Variants in ENPP3 observed in about 807,000 individuals in gnomAD.
ENPP3 encodes ectonucleotide pyrophosphatase/phosphodiesterase family member 3.
In ENPP3, 104 loss-of-function variants were observed where a neutral mutation model predicts 117.8. The ratio of observed to expected loss-of-function variants is 0.88; its 90% CI spans 0.75 to 1.04. The LOEUF is 1.04. Among genes scored for constraint, ENPP3 ranks in the 50% least tolerant of loss-of-function variants. ENPP3 has a pLI of 0.00. For synonymous variants in ENPP3, 380 were observed against 349.9 expected (o/e 1.09, Z -0.96); for missense variants, 1,026 against 1,051.9 (o/e 0.98, Z 0.34).
chr6:131,657,840 CT>C lies in ENPP3; in HGVS notation c.465-481del, dbSNP rs1778417284. The stretch of plus-strand genomic sequence containing the variant: ...GTTAGTGAAAATTTATCAAACTATG[CT>C]TCTGTGAAATGTGTGTGTGTATAAC... On this transcript the variant is annotated intron_variant, in intron 5 of 24. Coordinates refer to ENST00000357639, the MANE Select transcript of ENPP3 (RefSeq NM_005021.5). 2.6e-5 allele frequency among the ~76,000 whole-genome samples: 4 copies of C among 152,186 alleles called. No individual in the cohort carries two copies. The South Asian group carries it at 6.2e-4, about 24-fold the overall frequency.
At chr6:131,728,884 T>C (rs1026315313) in intron 20 of ENPP3, among the ~76,000 whole-genome samples, 1 of 152,222 alleles carries the variant, frequency 6.6e-6, no homozygotes, top group Non-Finnish European at 1.5e-5. Context: ...CTTCTGGGCC[T>C]GTTCAGAAGG....
intron 24 of ENPP3, 73 bp from the exon 25 acceptor site, chr6:131,746,713 A>G: frequency 1.5e-6 from 2 of 1,356,714 alleles, no homozygotes; most frequent in Non-Finnish European, 2.0e-6. Context: ...ACAACTTCTA[A>G]GCAATAAAAA....
intron 3 of ENPP3, among the ~76,000 whole-genome samples, chr6:131,651,123 T>C (rs1206390779): frequency 6.6e-6 from 1 of 152,142 alleles, no homozygotes; most frequent in African/African-American, 2.4e-5. Flanking sequence ...TTTCACCATG[T>C]TGGCCAGGCT....
In ENPP3 at chr6:131,667,588, A is replaced by AT. The variant is rs1291754692; in HGVS notation, c.563-3654dup. Among the ~76,000 whole-genome samples, 4 of 152,116 alleles carry AT rather than the reference A, an allele frequency of 2.6e-5. No individual in the cohort carries two copies. In the East Asian group the frequency reaches 7.7e-4, roughly 29 times the overall value. On this transcript the variant is annotated intron_variant, in intron 6 of 24. Transcript: ENST00000357639. The stretch of plus-strand genomic sequence containing the variant: ...ATTGGAGTGTTAGATGTGTGGTCCA[A>AT]TTTTTTCCCCCTTGGGGAGAAACTA...
intron 24 of ENPP3, among the ~76,000 whole-genome samples, chr6:131,745,431 A>T (rs1307698262): frequency 6.6e-6 from 1 of 152,228 alleles, no homozygotes; most frequent in African/African-American, 2.4e-5. Flanking sequence ...TCAAATGAGA[A>T]TCATGAAAAC....
chr6:131,679,692 G>A (rs1419399603), intron 11 of ENPP3, among the ~76,000 whole-genome samples: 1 of 151,994 alleles, frequency 6.6e-6, no homozygotes, highest in Non-Finnish European at 1.5e-5. Context: ...TCCTCTGAGT[G>A]ACAAAAAGGA....
chr6:131,651,446 T>A (rs1778261288), intron 3 of ENPP3, among the ~76,000 whole-genome samples: 1 of 152,228 alleles, frequency 6.6e-6, no homozygotes, highest in Non-Finnish European at 1.5e-5. Flanking sequence ...TACATATGTT[T>A]CAATGGAGTT....
chr6:131,641,681 G>C, intron 2 of ENPP3, 151 bp downstream of exon 2: 1 of 534,700 alleles, frequency 1.9e-6, no homozygotes, highest in East Asian at 2.9e-5. Context: ...TCTACTTATC[G>C]GGAGTCCACA....
At chr6:131,657,568 A>G (rs904213716) in intron 5 of ENPP3, among the ~76,000 whole-genome samples, 1 of 152,222 alleles carries the variant, frequency 6.6e-6, no homozygotes, top group African/African-American at 2.4e-5. Flanking sequence ...ACTTGCAACA[A>G]TATGGAGGAA....
intron 24 of ENPP3, among the ~76,000 whole-genome samples, chr6:131,743,499 A>T (rs1365270854): frequency 6.6e-6 from 1 of 152,162 alleles, no homozygotes; most frequent in Non-Finnish European, 1.5e-5. Context: ...AATGGTGGCT[A>T]TTATAAAGGA....
intron 1 of ENPP3, chr6:131,638,502 C>T (rs1302637342): frequency 6.6e-6 from 3 of 453,758 alleles, no homozygotes; most frequent in East Asian, 7.0e-5. Flanking sequence ...TTCCCAGGCT[C>T]AAGTGATCCT....
At chr6:131,668,229 T>C (rs1422560166) in intron 6 of ENPP3, among the ~76,000 whole-genome samples, 16 of 132,162 alleles carry the variant, frequency 1.2e-4, no homozygotes, top group Non-Finnish European at 4.6e-5. Flanking sequence ...TTTTTTTTTT[T>C]TGAGATGGAG....
chr6:131,695,714 G>A (rs1779390078), intron 15 of ENPP3, among the ~76,000 whole-genome samples: 1 of 152,106 alleles, frequency 6.6e-6, no homozygotes, highest in East Asian at 1.9e-4. Flanking sequence ...AGGAGTTTGA[G>A]ATCAGCCTGG....
chr6:131,669,674 A>G (rs905701203), intron 6 of ENPP3, among the ~76,000 whole-genome samples: 21 of 148,300 alleles, frequency 1.4e-4, no homozygotes, highest in Non-Finnish European at 3.0e-4. Flanking sequence ...AAAAAAAAAA[A>G]AAAAAGAAAG....
intron 14 of ENPP3, among the ~76,000 whole-genome samples, chr6:131,693,134 CA>C (rs201482187): frequency 4.1e-5 from 6 of 146,130 alleles, no homozygotes; most frequent in African/African-American, 1.5e-4. Flanking sequence ...CACACACACA[CA>C]CCCCCAGGAA....
rs1562440402 is a variant in ENPP3, at chr6:131,669,934, A to G, written c.563-1314A>G. Among the ~76,000 whole-genome samples the G allele has an allele frequency of 2.0e-5, 3 of 152,246 alleles. No individual in the cohort carries two copies. In the South Asian group the frequency reaches 6.2e-4, roughly 31 times the overall value. The stretch of plus-strand genomic sequence containing the variant: ...CATGTTTTGTTTTGACTTAAAGAGA[A>G]TTGATAACGGTGAAGCTTTATTTTA... On this transcript the variant is annotated intron_variant, in intron 6 of 24. Transcript: ENST00000357639.
At chr6:131,700,265 A>T in intron 15 of ENPP3, 3 of 214,508 alleles carry the variant, frequency 1.4e-5, no homozygotes, top group South Asian at 9.3e-5. Flanking sequence ...CAACTTGAAG[A>T]GATCAATTTC....
At chr6:131,674,744 G>T (rs1008856148) in intron 8 of ENPP3, among the ~76,000 whole-genome samples, 1 of 151,610 alleles carries the variant, frequency 6.6e-6, no homozygotes, top group South Asian at 2.1e-4. Context: ...TAATTTTTTT[G>T]TATTTTTAGT....
chr6:131,724,027 C>T lies in ENPP3; in HGVS notation c.1747-13C>T, dbSNP rs1780094181. On this transcript the variant is annotated splice_polypyrimidine_tract_variant and intron_variant, in intron 18 of 24. Transcript: ENST00000357639. ...TTATTTCCTCCCCTTTCCCATCCCT[C>T]ATTATCTTGCAGAGTACTCAGCTGG... The T allele has an allele frequency of 2.5e-6, 4 of 1,603,390 alleles. No homozygotes were observed. Among genetic ancestry groups the T allele is most frequent in the East Asian group, 4.5e-5 (2 of 44,794 alleles).
Sources: gnomAD v4.1 joint callset for allele counts (sites outside exome capture counted in the v4.1 genomes callset) on GRCh38, gnomAD v4.1.1 for gene constraint, MANE v1.5 for transcripts, NCBI Gene and HGNC (gene_info 2026-07-23, HGNC 2026-07-21) for gene names.